Variants in ERI3 observed in about 807,000 individuals in gnomAD.
ERI3 encodes ERI1 exoribonuclease 3.
A neutral mutation model predicts 44.4 loss-of-function variants in ERI3; 18 were observed. That is an observed-to-expected ratio of 0.41 (90% CI 0.28 to 0.60). ERI3 has a LOEUF of 0.60. Among genes scored for constraint, ERI3 ranks in the 20% least tolerant of loss-of-function variants. ERI3 has a pLI of 0.36. For synonymous variants in ERI3, 183 were observed against 164.8 expected, an observed-to-expected ratio of 1.11 and a Z score of -0.84; for missense variants, 294 against 435.5, an observed-to-expected ratio of 0.68 and a Z score of 2.89.
intron 8 of ERI3, among the ~76,000 whole-genome samples, chr1:44,229,372 T>C (rs145868573): frequency 1.4e-4 from 22 of 152,250 alleles, no homozygotes; most frequent in Non-Finnish European, 2.5e-4. Context: ...CATCTTTCTG[T>C]GTTATTGCTT....
rs1282425892 is a variant in ERI3 at position 44,265,653 on chromosome 1, TA to T, written c.832-17616del. Among the ~76,000 whole-genome samples, 985 of 142,982 alleles carry T rather than the reference TA, an allele frequency of 6.9e-3. 5 individuals are homozygous for T. Among genetic ancestry groups the T allele is most frequent in the African/African-American group, 0.018 (706 of 39,252 alleles). The allele number at this position is 142,982 out of a possible 152,430, so 93.8% of individuals were successfully genotyped here. A position where few individuals can be genotyped will look rare whatever the true frequency, so the allele number is the denominator to read the frequency against. Reference sequence around the variant, plus strand: ...AATATTGATCACCTGATGGGAGAATTAAAAAAAAAAAAGTGGTACTATCTAT... The same window carrying T: ...AATATTGATCACCTGATGGGAGAATTAAAAAAAAAAAGTGGTACTATCTAT... On this transcript the variant is annotated intron_variant, in intron 7 of 8. Transcript: ENST00000372257.
chr1:44,257,440 T>A (rs1381425656), intron 7 of ERI3, among the ~76,000 whole-genome samples: 2 of 151,410 alleles, frequency 1.3e-5, no homozygotes, highest in African/African-American at 4.9e-5. Flanking sequence ...GCTTTCCACA[T>A]CCAGGGCTGG....
chr1:44,262,970 A>G (rs976115468), intron 7 of ERI3, among the ~76,000 whole-genome samples: 6 of 152,152 alleles, frequency 3.9e-5, no homozygotes, highest in Non-Finnish European at 1.5e-5. Context: ...ACAGCTCTCA[A>G]GTTTGCCCAG....
At chr1:44,298,033 G>T (rs938319230) in intron 6 of ERI3, among the ~76,000 whole-genome samples, 1 of 152,244 alleles carries the variant, frequency 6.6e-6, no homozygotes, top group African/African-American at 2.4e-5. Context: ...AATCCCAAAG[G>T]ACAGAAGAGC....
rs146093646 is a variant in ERI3, at chr1:44,343,556, C to T, written c.212-4234G>A. ...ATCTAAACAATAACCAGCCTGTAAT[C>T]TTCAAAAGTATCAAGGTCATGAATG... On this transcript the variant is annotated intron_variant, in intron 2 of 8. Coordinates refer to ENST00000372257, the MANE Select transcript of ERI3 (RefSeq NM_024066.3). Among the ~76,000 whole-genome samples, 404 of 152,244 alleles carry T rather than the reference C, an allele frequency of 2.7e-3. 1 individual carries two copies. Among genetic ancestry groups the T allele is most frequent in the African/African-American group, 8.7e-3 (363 of 41,552 alleles).
chr1:44,233,686 C>T (rs963337134), intron 8 of ERI3, among the ~76,000 whole-genome samples: 3 of 152,180 alleles, frequency 2.0e-5, no homozygotes, highest in African/African-American at 7.2e-5. Flanking sequence ...TCCACTGATA[C>T]AGCTTCACTT....
chr1:44,324,793 T>G (rs1472162857), intron 3 of ERI3, among the ~76,000 whole-genome samples: 1 of 152,146 alleles, frequency 6.6e-6, no homozygotes, highest in African/African-American at 2.4e-5. Context: ...ACATGGACTT[T>G]CAATGCTAAC....
intron 8 of ERI3, among the ~76,000 whole-genome samples, chr1:44,245,066 G>A (rs1644526144): frequency 1.3e-5 from 2 of 152,078 alleles, no homozygotes; most frequent in Admixed American, 6.5e-5. Flanking sequence ...AGCCTGAGTG[G>A]CCAGTGACAG....
At chr1:44,347,282 T>C (rs1240425816) in intron 2 of ERI3, among the ~76,000 whole-genome samples, 1 of 152,174 alleles carries the variant, frequency 6.6e-6, no homozygotes, top group African/African-American at 2.4e-5. Flanking sequence ...TTTTTTATAT[T>C]TAAAAAGAAA....
rs1287366950 is a variant in ERI3 at position 44,228,565 on chromosome 1, A to G, written c.932-6925T>C. On this transcript the variant is annotated intron_variant, in intron 8 of 8. Coordinates refer to ENST00000372257, the MANE Select transcript of ERI3 (RefSeq NM_024066.3). This position sits in a 1 kb window ranked among gnomAD's most constrained non-coding sequence, Gnocchi z 4.3. The stretch of plus-strand genomic sequence containing the variant: ...TTTATTAAGCGCTGGTAAAGCTGGG[A>G]TAATGATGTGTTTGGAAATTAAGGC... 1.3e-5 allele frequency among the ~76,000 whole-genome samples: 2 copies of G among 152,222 alleles called. No individual in the cohort carries two copies. Among genetic ancestry groups the G allele is most frequent in the African/African-American group, 4.8e-5 (2 of 41,446 alleles).
chr1:44,292,371 C>A (rs1557825166), intron 6 of ERI3, among the ~76,000 whole-genome samples: 1 of 152,150 alleles, frequency 6.6e-6, no homozygotes. Context: ...GACCCCAGGC[C>A]AGACACAAAA....
chr1:44,278,875 T>C (rs967348815), intron 7 of ERI3, among the ~76,000 whole-genome samples: 2 of 152,192 alleles, frequency 1.3e-5, no homozygotes, highest in Non-Finnish European at 2.9e-5. Flanking sequence ...AGTGCTGAGA[T>C]TACAGGCATG....
At position 44,354,996 on chromosome 1, in the gene ERI3, C is replaced by A; in HGVS notation, c.31G>T (p.Gly11Trp). 2 of 1,378,250 alleles carry A rather than the reference C, an allele frequency of 1.5e-6. No individual in the cohort carries two copies. The highest frequency in any genetic ancestry group is 1.9e-6 in the Non-Finnish European group (2 of 1,060,540). The allele number at this position is 1,378,250 out of a possible 1,614,324, so 85.4% of individuals were successfully genotyped here. A position where few individuals can be genotyped will look rare whatever the true frequency, so the allele number is the denominator to read the frequency against. Reference protein sequence around the residue: MATASPAADGGRGRPWEGGLV... With the variant: MATASPAADGWRGRPWEGGLV... ...CCTCCTTCCCAGGGCCGCCCCCGCC[C>A]CCCGTCAGCAGCGGGAGAGGCTGTC... Residue 11 changes from glycine (G) to tryptophan (W), a missense_variant, in exon 1 of 9, where the codon GGG (glycine) becomes TGG (tryptophan). Gly to Trp is a radical substitution (Grantham distance 184). This residue lies in a region of ERI3 where 107 missense variants were observed against 96.9 expected (regional missense o/e 1.10). Coordinates refer to ENST00000372257, the MANE Select transcript of ERI3 (RefSeq NM_024066.3).
intron 6 of ERI3, among the ~76,000 whole-genome samples, chr1:44,286,708 C>T (rs964823035): frequency 5.3e-5 from 8 of 152,188 alleles, no homozygotes; most frequent in African/African-American, 1.9e-4. Flanking sequence ...TTAGAACATC[C>T]TTCCTTAAAC....
chr1:44,248,363 C>A (rs776883595), intron 7 of ERI3, among the ~76,000 whole-genome samples: 8 of 152,174 alleles, frequency 5.3e-5, no homozygotes, highest in Non-Finnish European at 7.3e-5. Flanking sequence ...GGCATACCTG[C>A]ACCTTGCACC....
chr1:44,229,156 GTCAGGGGCCAGGC>G (rs1644117823), intron 8 of ERI3, among the ~76,000 whole-genome samples: 1 of 152,240 alleles, frequency 6.6e-6, no homozygotes, highest in African/African-American at 2.4e-5. Flanking sequence ...AGGCAGAAGA[GTCAGGGGCCAGGC>G]TCAAGAACAG....
chr1:44,280,674 GT>G (rs1485221038), intron 7 of ERI3, among the ~76,000 whole-genome samples: 1 of 152,072 alleles, frequency 6.6e-6, no homozygotes, highest in Non-Finnish European at 1.5e-5. Context: ...CCAGCAACTG[GT>G]CTCCTGTATC....
At chr1:44,273,669 G>A (rs141235816) in intron 7 of ERI3, among the ~76,000 whole-genome samples, 1,575 of 152,296 alleles carry the variant, frequency 0.01, 16 homozygotes, top group Middle Eastern at 0.044. Flanking sequence ...AATTACAAAA[G>A]CATGTGATAC....
chr1:44,238,463 A>T (rs1218380237), intron 8 of ERI3, among the ~76,000 whole-genome samples: 3 of 151,954 alleles, frequency 2.0e-5, no homozygotes, highest in Non-Finnish European at 2.9e-5. Flanking sequence ...TAAACCAATC[A>T]CCGGCTCCTT....
Sources: gnomAD v4.1 joint callset for allele counts (sites outside exome capture counted in the v4.1 genomes callset) on GRCh38, gnomAD v4.1.1 for gene constraint, gnomAD v4.1.1 regional missense constraint, Gnocchi (gnomAD v3.1) non-coding constraint, MANE v1.5 for transcripts, NCBI Gene and HGNC (gene_info 2026-07-23, HGNC 2026-07-21) for gene names.